Variants in HS2ST1 observed in about 807,000 individuals in gnomAD.
The protein encoded by HS2ST1 is 2-O-sulfotransferase.
A neutral mutation model predicts 42.9 loss-of-function variants in HS2ST1; 18 were observed. The ratio of observed to expected loss-of-function variants is 0.42; its 90% CI spans 0.29 to 0.62. The LOEUF is 0.62. Among genes scored for constraint, HS2ST1 ranks in the 20% least tolerant of loss-of-function variants. The pLI, the probability that HS2ST1 is intolerant of heterozygous loss-of-function variation, is 0.21. For synonymous variants in HS2ST1, 146 were observed against 152.9 expected, an observed-to-expected ratio of 0.95 and a Z score of 0.33; for missense variants, 334 against 433.8, an observed-to-expected ratio of 0.77 and a Z score of 2.04.
intron 1 of HS2ST1, among the ~76,000 whole-genome samples, chr1:87,041,244 A>C (rs1016280781): frequency 2.7e-5 from 4 of 147,506 alleles, no homozygotes; most frequent in African/African-American, 9.9e-5. Flanking sequence ...AAAAAAACAA[A>C]AAAAAAAAAA....
chr1:87,019,405 A>G (rs975838158), intron 1 of HS2ST1, among the ~76,000 whole-genome samples: 3 of 152,234 alleles, frequency 2.0e-5, no homozygotes, highest in Non-Finnish European at 4.4e-5. Context: ...CAGAGTTTGT[A>G]TGTTGTAGAT....
At chr1:87,051,215 C>T (rs879146041) in intron 1 of HS2ST1, among the ~76,000 whole-genome samples, 36 of 152,080 alleles carry the variant, frequency 2.4e-4, no homozygotes, top group Admixed American at 1.5e-3. Context: ...GTTAATTCTA[C>T]ATGATTTTTT....
chr1:87,005,588 A>C (rs957973668), intron 1 of HS2ST1, among the ~76,000 whole-genome samples: 1 of 152,150 alleles, frequency 6.6e-6, no homozygotes, highest in Admixed American at 6.5e-5. Context: ...TTAATGATTA[A>C]ATGAATGTAT....
intron 1 of HS2ST1, chr1:86,958,641 C>A (rs1213359968): frequency 6.6e-6 from 1 of 152,182 alleles, no homozygotes; most frequent in East Asian, 1.9e-4. Context: ...AAAAATCTCC[C>A]TGATTCTACT....
chr1:87,057,474 G>A (rs1415856940), intron 1 of HS2ST1, among the ~76,000 whole-genome samples: 2 of 151,728 alleles, frequency 1.3e-5, no homozygotes, highest in Non-Finnish European at 2.9e-5. Context: ...CACTTTTAGG[G>A]CCTATATGCA....
At chr1:86,999,938 C>T (rs1188136996) in intron 1 of HS2ST1, among the ~76,000 whole-genome samples, 1 of 152,036 alleles carries the variant, frequency 6.6e-6, no homozygotes, top group Non-Finnish European at 1.5e-5. Context: ...TTGTAAATGG[C>T]AGTAATATTC....
chr1:86,936,319 T>C (rs978701597), intron 1 of HS2ST1, among the ~76,000 whole-genome samples: 1 of 152,230 alleles, frequency 6.6e-6, no homozygotes, highest in Non-Finnish European at 1.5e-5. Flanking sequence ...TTTTTGTTTC[T>C]ATAACATGTC....
intron 1 of HS2ST1, among the ~76,000 whole-genome samples, chr1:87,068,192 C>G (rs532708621): frequency 5.4e-4 from 82 of 152,284 alleles, no homozygotes; most frequent in African/African-American, 1.9e-3. Flanking sequence ...TTCTTCCTAT[C>G]CATGAGCATG....
chr1:87,101,039 C>G (rs558775589), intron 5 of HS2ST1, among the ~76,000 whole-genome samples: 5 of 151,080 alleles, frequency 3.3e-5, no homozygotes, highest in African/African-American at 1.2e-4. Flanking sequence ...TTTGCTCTTG[C>G]ATTTGATTGT....
intron 5 of HS2ST1, chr1:87,098,421 T>C: frequency 2.7e-6 from 2 of 737,122 alleles, no homozygotes; most frequent in Non-Finnish European, 3.3e-6. Flanking sequence ...AAAGATACTT[T>C]AATAAGAACT....
intron 1 of HS2ST1, among the ~76,000 whole-genome samples, chr1:86,974,882 G>C (rs970164360): frequency 6.6e-6 from 1 of 152,092 alleles, no homozygotes; most frequent in Non-Finnish European, 1.5e-5. Flanking sequence ...CCAAACTCAG[G>C]ATCTTTCTGA....
At chr1:86,940,923 G>T (rs1434382304) in intron 1 of HS2ST1, among the ~76,000 whole-genome samples, 1 of 152,080 alleles carries the variant, frequency 6.6e-6, no homozygotes, top group African/African-American at 2.4e-5. Context: ...GAGCCTGGGA[G>T]GTGCAGTCGG....
At chr1:87,094,278 T>C (rs1053226187) in intron 4 of HS2ST1, among the ~76,000 whole-genome samples, 1 of 152,008 alleles carries the variant, frequency 6.6e-6, no homozygotes. Context: ...TTGTCAGCCC[T>C]GGATAGCATG....
intron 1 of HS2ST1, among the ~76,000 whole-genome samples, chr1:86,958,986 T>C (rs1647750188): frequency 6.6e-6 from 1 of 152,110 alleles, no homozygotes; most frequent in African/African-American, 2.4e-5. Context: ...ATAAGAAAAA[T>C]CATATGGTCA....
rs3766018 is a variant in HS2ST1, at chr1:87,104,730, A to G, written c.*34A>G. ...TGTGACTATTGGATTCTTGAACTAA[A>G]ATTTGACCCTGTCTTCACCTTTGTT... On this transcript the variant is annotated 3_prime_UTR_variant, in exon 7 of 7. Transcript: ENST00000370550. 4.5e-6 allele frequency: 6 copies of G among 1,322,728 alleles called. No individual in the cohort carries two copies. In the South Asian group the frequency reaches 5.9e-5, roughly 13 times the overall value. The allele number at this position is 1,322,728 out of a possible 1,614,324, so 81.9% of individuals were successfully genotyped here. A position where few individuals can be genotyped will look rare whatever the true frequency, so the allele number is the denominator to read the frequency against.
chr1:87,065,769 T>C (rs933160709), intron 1 of HS2ST1, among the ~76,000 whole-genome samples: 11 of 152,246 alleles, frequency 7.2e-5, no homozygotes, highest in Non-Finnish European at 1.5e-4. Context: ...TAGCTTGTCA[T>C]TACTGAAGTG....
intron 1 of HS2ST1, among the ~76,000 whole-genome samples, chr1:87,055,355 G>A (rs531163636): frequency 1.2e-4 from 19 of 152,210 alleles, no homozygotes; most frequent in Middle Eastern, 3.4e-3. Context: ...GAAGCCTAGA[G>A]ACAGTACCTT....
chr1:86,921,489 A>G (rs1660298473), intron 1 of HS2ST1, among the ~76,000 whole-genome samples: 2 of 152,100 alleles, frequency 1.3e-5, no homozygotes, highest in Non-Finnish European at 2.9e-5. Flanking sequence ...TGGAAACTTA[A>G]TCTCCGATGC....
chr1:86,985,457 CATATAT>C (rs1410936040), intron 1 of HS2ST1, among the ~76,000 whole-genome samples: 47 of 103,066 alleles, frequency 4.6e-4, no homozygotes, highest in African/African-American at 1.4e-3. Context: ...TATATACACA[CATATAT>C]ACACATATAT....
Sources: allele counts gnomAD v4.1 joint callset (sites outside exome capture counted in the v4.1 genomes callset), GRCh38; gene constraint gnomAD v4.1.1; transcripts MANE v1.5; gene names NCBI Gene and HGNC (gene_info 2026-07-23, HGNC 2026-07-21).